AGBL1: variants seen among roughly 807,000 people sequenced by gnomAD.
AGBL1 encodes cytosolic carboxypeptidase 4.
In AGBL1, 130 loss-of-function variants were observed where a neutral mutation model predicts 118.9. The ratio of observed to expected loss-of-function variants is 1.09; its 90% CI spans 0.95 to 1.26. The LOEUF (loss-of-function observed/expected upper bound fraction) is 1.26. AGBL1 is among the 50% of genes most tolerant of loss of function. AGBL1 has a pLI of 0.00. For missense variants in AGBL1, 1,584 were observed against 1,298.1 expected, an observed-to-expected ratio of 1.22 and a Z score of -3.38; for synonymous variants, 555 against 478.9, an observed-to-expected ratio of 1.16 and a Z score of -2.08.
chr15:86,971,034 T>A (rs1438810561), intron 23 of AGBL1, among the ~76,000 whole-genome samples: 1 of 152,000 alleles, frequency 6.6e-6, no homozygotes, highest in Non-Finnish European at 1.5e-5. Context: ...CCATTTTATA[T>A]AAGAGATTTG....
chr15:86,968,485 G>A (rs568592954), intron 23 of AGBL1, among the ~76,000 whole-genome samples: 29 of 151,914 alleles, frequency 1.9e-4, no homozygotes, highest in African/African-American at 5.1e-4. Context: ...GGGGATTATC[G>A]CATAGGGAAA....
intron 22 of AGBL1, among the ~76,000 whole-genome samples, chr15:86,825,821 T>A (rs1435536372): frequency 6.6e-6 from 1 of 150,602 alleles, no homozygotes; most frequent in East Asian, 2.0e-4. Flanking sequence ...TAAATATTGA[T>A]GAGAATGTAG....
At chr15:86,210,249 T>A (rs1176797583) in intron 5 of AGBL1, among the ~76,000 whole-genome samples, 1 of 152,176 alleles carries the variant, frequency 6.6e-6, no homozygotes, top group Non-Finnish European at 1.5e-5. Flanking sequence ...CCCTTAACAT[T>A]TTTTCCTTCA....
intron 22 of AGBL1, among the ~76,000 whole-genome samples, chr15:86,752,981 G>A (rs1036222073): frequency 6.6e-5 from 10 of 151,982 alleles, no homozygotes; most frequent in South Asian, 6.2e-4. Context: ...CCTTGCTCCC[G>A]CCCTTTCTTC....
At chr15:87,017,828 A>C (rs990300472) in intron 24 of AGBL1, among the ~76,000 whole-genome samples, 2 of 152,180 alleles carry the variant, frequency 1.3e-5, no homozygotes, top group Non-Finnish European at 2.9e-5. Context: ...AGGCTTCAGA[A>C]GGTGGATAAT....
In AGBL1 at chr15:86,266,343, C is replaced by T. The variant is rs535019456; in HGVS notation, c.1668-31C>T. 274 of 1,524,684 alleles carry T rather than the reference C, an allele frequency of 1.8e-4. 1 individual carries two copies. The South Asian group carries it at 2.9e-3, about 16-fold the overall frequency. 94.4% of individuals were successfully genotyped at this position (1,524,684 alleles called of 1,614,324 possible). ...GAGTGAGCTAGGGAGAGAAGGCCGACCCTTAAAATGTTTTCAATTTTCTTT... is the reference window on the plus strand; with the variant it reads ...GAGTGAGCTAGGGAGAGAAGGCCGATCCTTAAAATGTTTTCAATTTTCTTT... On this transcript the variant is annotated intron_variant, in intron 11 of 22. Transcript: ENST00000614907.
chr15:86,305,464 G>A (rs1245343290), intron 17 of AGBL1, among the ~76,000 whole-genome samples: 1 of 152,046 alleles, frequency 6.6e-6, no homozygotes, highest in Non-Finnish European at 1.5e-5. Context: ...AAGAAAAAGA[G>A]TTCTAAAGAA....
At chr15:86,208,946 G>C (rs1047404461) in intron 5 of AGBL1, among the ~76,000 whole-genome samples, 1 of 152,072 alleles carries the variant, frequency 6.6e-6, no homozygotes, top group Non-Finnish European at 1.5e-5. Context: ...TTCTCTTGTG[G>C]GCATTTAGTG....
At chr15:86,838,940 G>GT (rs1324703989) in intron 22 of AGBL1, among the ~76,000 whole-genome samples, 5 of 6,386 alleles carry the variant, frequency 7.8e-4, no homozygotes, top group South Asian at 2.4e-3. Context: ...ATGAGATCCT[G>GT]TAAAAAAAAA....
intron 22 of AGBL1, among the ~76,000 whole-genome samples, chr15:86,856,441 G>A (rs2084299676): frequency 6.6e-6 from 1 of 152,236 alleles, no homozygotes; most frequent in Admixed American, 6.5e-5. Context: ...CTAGATCTAA[G>A]ACTAAGCTAG....
chr15:86,999,074 C>T (rs549487220), intron 24 of AGBL1, among the ~76,000 whole-genome samples: 45 of 151,268 alleles, frequency 3.0e-4, no homozygotes, highest in Non-Finnish European at 4.7e-4. Context: ...GCTCACTGTT[C>T]AATTCCCACC....
intron 22 of AGBL1, among the ~76,000 whole-genome samples, chr15:86,775,678 C>T (rs2078245264): frequency 6.6e-6 from 1 of 152,066 alleles, no homozygotes; most frequent in African/African-American, 2.4e-5. Context: ...AGCCAGAGCT[C>T]ATGCAGTGGT....
At chr15:86,456,802 T>G (rs1244575441) in intron 18 of AGBL1, among the ~76,000 whole-genome samples, 1 of 152,196 alleles carries the variant, frequency 6.6e-6, no homozygotes, top group African/African-American at 2.4e-5. Context: ...AATGTCAGTT[T>G]TACCGGATTG....
chr15:86,236,932 C>CGGGGGGGGGG (rs1261815080), intron 6 of AGBL1, among the ~76,000 whole-genome samples: 3 of 9,366 alleles, frequency 3.2e-4, no homozygotes, highest in African/African-American at 8.9e-4. Flanking sequence ...GATATGTGGG[C>CGGGGGGGGGG]GGGGGGGGGC....
At chr15:86,758,216 A>G (rs112030597) in intron 22 of AGBL1, among the ~76,000 whole-genome samples, 163 of 152,158 alleles carry the variant, frequency 1.1e-3, no homozygotes, top group African/African-American at 3.8e-3. Context: ...CTTGTGCTCC[A>G]TCTCCAATGG....
downstream of AGBL1, among the ~76,000 whole-genome samples, chr15:86,916,550 T>C (rs372413124): frequency 2.0e-5 from 3 of 152,164 alleles, no homozygotes; most frequent in Non-Finnish European, 4.4e-5. Context: ...GTTTTGTTCT[T>C]TAAGTGATTC....
chr15:86,442,119 G>A (rs891444733), intron 18 of AGBL1, among the ~76,000 whole-genome samples: 3 of 152,224 alleles, frequency 2.0e-5, no homozygotes, highest in Non-Finnish European at 2.9e-5. Flanking sequence ...GCAAGGAGCC[G>A]GGAGGCTGTG....
intron 3 of AGBL1, among the ~76,000 whole-genome samples, chr15:86,153,108 C>T (rs2077137765): frequency 6.6e-6 from 1 of 152,156 alleles, no homozygotes; most frequent in Admixed American, 6.5e-5. Flanking sequence ...TGTGGTGACT[C>T]CTCAAGGATC....
intron 13 of AGBL1, among the ~76,000 whole-genome samples, chr15:86,269,149 G>C (rs1201607498): frequency 2.0e-5 from 3 of 152,152 alleles, no homozygotes; most frequent in African/African-American, 7.2e-5. Flanking sequence ...TTCAGATGTA[G>C]ATAAATTCAT....
Sources: allele counts gnomAD v4.1 joint callset (sites outside exome capture counted in the v4.1 genomes callset), GRCh38; gene constraint gnomAD v4.1.1; transcripts MANE v1.5; gene names NCBI Gene and HGNC (gene_info 2026-07-23, HGNC 2026-07-21).